TLK2: variants seen among roughly 807,000 people sequenced by gnomAD.
The protein encoded by TLK2 is tousled like kinase 2.
A neutral mutation model predicts 117.3 loss-of-function variants in TLK2; 6 were observed. The observed-to-expected ratio is 0.05, with a 90% CI of 0.03 to 0.10. The LOEUF (loss-of-function observed/expected upper bound fraction) is 0.10. TLK2 is among the 10% of genes least tolerant of loss of function. TLK2 has a pLI of 1.00. For synonymous variants in TLK2, 257 were observed against 316.7 expected, an observed-to-expected ratio of 0.81 and a Z score of 2.00; for missense variants, 299 against 901.2, an observed-to-expected ratio of 0.33 and a Z score of 8.56.
At position 62,607,012 on chromosome 17, in the gene TLK2, C is replaced by CTTTT. The variant is rs10680028; in HGVS notation, c.1971+786_1971+789dup. Among the ~76,000 whole-genome samples the CTTTT allele has an allele frequency of 5.2e-4, 64 of 123,528 alleles. 1 individual carries two copies. Among genetic ancestry groups the CTTTT allele is most frequent in the African/African-American group, 5.9e-4 (20 of 33,750 alleles). 81.0% of individuals were successfully genotyped at this position (123,528 alleles called of 152,430 possible). A position where few individuals can be genotyped will look rare whatever the true frequency, so the allele number is the denominator to read the frequency against. On this transcript the variant is annotated intron_variant, in intron 20 of 21. Coordinates refer to ENST00000346027, the MANE Select transcript of TLK2 (RefSeq NM_006852.6). ...CCTTCCTCTTTAGCTTCTCCTTGGT[C>CTTTT]TTTTTTTTTTTTTTTTTTCTATCTC...
At chr17:62,545,149 C>A (rs1228947861) in intron 7 of TLK2, among the ~76,000 whole-genome samples, 3 of 152,070 alleles carry the variant, frequency 2.0e-5, no homozygotes, top group Admixed American at 6.5e-5. Context: ...GCCTCAGCCT[C>A]CCGAGTAGCT....
At chr17:62,601,334 A>G (rs1029346611) in intron 18 of TLK2, among the ~76,000 whole-genome samples, 2 of 152,126 alleles carry the variant, frequency 1.3e-5, no homozygotes, top group Admixed American at 6.6e-5. Flanking sequence ...TGTTATCTTC[A>G]GCTGTGTTTT....
intron 20 of TLK2, among the ~76,000 whole-genome samples, chr17:62,607,012 C>CTTTTTTTTTT (rs10680028): frequency 8.1e-6 from 1 of 123,556 alleles, no homozygotes; most frequent in Non-Finnish European, 1.6e-5. Context: ...TCTCCTTGGT[C>CTTTTTTTTTT]TTTTTTTTTT....
chr17:62,477,090 CAAA>C (rs368864224), upstream of TLK2, among the ~76,000 whole-genome samples: 1 of 144,896 alleles, frequency 6.9e-6, no homozygotes, highest in African/African-American at 2.5e-5. Context: ...GACTCTGTCT[CAAA>C]AAAAAAAAAT....
intron 6 of TLK2, among the ~76,000 whole-genome samples, chr17:62,532,535 G>A (rs143208068): frequency 0.025 from 3,822 of 152,116 alleles, 69 homozygotes; most frequent in Middle Eastern, 0.068. Flanking sequence ...ACATGAAAAC[G>A]TTAAAGAACT....
chr17:62,580,432 A>G (rs563651181), intron 15 of TLK2, among the ~76,000 whole-genome samples: 52 of 134,624 alleles, frequency 3.9e-4, no homozygotes, highest in African/African-American at 1.4e-3. Context: ...AACAAGAAGG[A>G]AATATACTGG....
chr17:62,511,798 T>A (rs2075164798), intron 2 of TLK2, among the ~76,000 whole-genome samples: 1 of 152,236 alleles, frequency 6.6e-6, no homozygotes. Flanking sequence ...TAGTACACTT[T>A]ACTTAACCAT....
chr17:62,500,894 A>G (rs543891034), intron 2 of TLK2, among the ~76,000 whole-genome samples: 1 of 152,326 alleles, frequency 6.6e-6, no homozygotes, highest in East Asian at 1.9e-4. Flanking sequence ...GAAAATATTC[A>G]TAGCTAAGTG....
intron 9 of TLK2, among the ~76,000 whole-genome samples, chr17:62,558,892 C>T (rs1158863442): frequency 1.3e-5 from 2 of 152,088 alleles, no homozygotes. Flanking sequence ...AATTGAGTAT[C>T]GTGTGATATC....
rs1275232444 is a variant in TLK2, at chr17:62,564,902, AAT to A, written c.832-96_832-95del. The A allele has an allele frequency of 2.8e-6, 4 of 1,430,292 alleles. No homozygotes were observed. In the East Asian group the frequency reaches 7.3e-5, roughly 26 times the overall value. The allele number at this position is 1,430,292 out of a possible 1,614,324, so 88.6% of individuals were successfully genotyped here. ...TTCTGAGAAGTGTATGGTTTTCAAT[AAT>A]ATGTTTCCTGATAATGTTAAATGTT... On this transcript the variant is annotated intron_variant, in intron 10 of 21. Coordinates refer to ENST00000346027, the MANE Select transcript of TLK2 (RefSeq NM_006852.6).
chr17:62,561,464 G>A (rs532585576), intron 10 of TLK2, among the ~76,000 whole-genome samples: 12 of 152,262 alleles, frequency 7.9e-5, no homozygotes, highest in African/African-American at 2.9e-4. Flanking sequence ...CACCCGTCTC[G>A]GCCTCCCAAA....
At chr17:62,585,788 A>G (rs2146895441) in intron 15 of TLK2, 1 of 169,568 alleles carries the variant, frequency 5.9e-6, no homozygotes, top group East Asian at 1.6e-4. Context: ...TCCCAGTGTC[A>G]ACTGAAGGAT....
chr17:62,471,886 G>GTATTTTTTTT (rs1179717599), intron 1 of TLK2, among the ~76,000 whole-genome samples: 2 of 38,996 alleles, frequency 5.1e-5, no homozygotes, highest in Non-Finnish European at 1.1e-4. Context: ...AGGTAGTATA[G>GTATTTTTTTT]TCTTTTTTTT....
chr17:62,570,155 C>T (rs562174851), intron 11 of TLK2, among the ~76,000 whole-genome samples: 2 of 152,228 alleles, frequency 1.3e-5, no homozygotes, highest in South Asian at 4.1e-4. Flanking sequence ...CTTTATTCAC[C>T]CTATTTCCAA....
intron 6 of TLK2, among the ~76,000 whole-genome samples, chr17:62,533,298 GT>G (rs2076865800): frequency 6.6e-6 from 1 of 151,362 alleles, no homozygotes; most frequent in Non-Finnish European, 1.5e-5. Context: ...ATTTATCAGT[GT>G]TTTTCCTTTA....
chr17:62,511,982 A>G (rs1048955260), intron 2 of TLK2, among the ~76,000 whole-genome samples: 1 of 152,208 alleles, frequency 6.6e-6, no homozygotes, highest in African/African-American at 2.4e-5. Flanking sequence ...TTTAGTTTTA[A>G]AAGAAACCGT....
chr17:62,536,466 C>G, intron 7 of TLK2, 129 bp downstream of exon 7: 1 of 1,011,908 alleles, frequency 9.9e-7, no homozygotes, highest in South Asian at 1.9e-5. Flanking sequence ...GTGATCTCCC[C>G]TTATCATCAT....
chr17:62,546,128 C>T (rs568434455), intron 7 of TLK2, among the ~76,000 whole-genome samples: 4 of 151,990 alleles, frequency 2.6e-5, no homozygotes, highest in South Asian at 4.2e-4. Flanking sequence ...GTGATCTGCC[C>T]GCCTTGGCCT....
chr17:62,542,480 GTCTT>G (rs761986453), intron 7 of TLK2, among the ~76,000 whole-genome samples: 11 of 152,108 alleles, frequency 7.2e-5, no homozygotes, highest in South Asian at 2.1e-4. Flanking sequence ...CTTTCACCCA[GTCTT>G]TCTTTCTTTT....
Sources: gnomAD v4.1 joint callset for allele counts (sites outside exome capture counted in the v4.1 genomes callset) on GRCh38, gnomAD v4.1.1 for gene constraint, MANE v1.5 for transcripts, NCBI Gene and HGNC (gene_info 2026-07-23, HGNC 2026-07-21) for gene names.